Variants in MNAT1 observed in about 807,000 individuals in gnomAD.
MNAT1 encodes CDK-activating kinase assembly factor MAT1.
In MNAT1, 43 loss-of-function variants were observed where a neutral mutation model predicts 42.0. The observed-to-expected ratio is 1.02, with a 90% CI of 0.80 to 1.32. MNAT1 has a LOEUF of 1.32. Ranked by LOEUF, MNAT1 falls within the 40% of genes most tolerant of loss-of-function variation. MNAT1 has a pLI of 0.00. For missense variants in MNAT1, 306 were observed against 350.4 expected (o/e 0.87, Z 1.01); for synonymous variants, 118 against 120.0 (o/e 0.98, Z 0.11).
intron 6 of MNAT1, among the ~76,000 whole-genome samples, chr14:60,861,386 T>C (rs1440544373): frequency 6.6e-6 from 1 of 152,178 alleles, no homozygotes; most frequent in Non-Finnish European, 1.5e-5. Flanking sequence ...AAGGTTATGT[T>C]GTTCAAAATG....
intron 1 of MNAT1, among the ~76,000 whole-genome samples, chr14:60,764,193 A>G (rs919517117): frequency 6.6e-6 from 1 of 152,210 alleles, no homozygotes; most frequent in African/African-American, 2.4e-5. Flanking sequence ...CTGTTAAACT[A>G]CTTATATATG....
At chr14:60,847,734 A>G (rs1406549893) in intron 6 of MNAT1, among the ~76,000 whole-genome samples, 1 of 151,976 alleles carries the variant, frequency 6.6e-6, no homozygotes, top group Non-Finnish European at 1.5e-5. Context: ...AAGTGTTTTT[A>G]TATTGGTTGA....
intron 7 of MNAT1, among the ~76,000 whole-genome samples, chr14:60,910,232 G>GATC (rs1372010432): frequency 6.6e-6 from 1 of 152,074 alleles, no homozygotes; most frequent in Non-Finnish European, 1.5e-5. Flanking sequence ...GGGCCGAGAT[G>GATC]ATGGGGTTTT....
intron 6 of MNAT1, among the ~76,000 whole-genome samples, chr14:60,866,939 TTA>T (rs2034215409): frequency 6.6e-6 from 1 of 152,122 alleles, no homozygotes; most frequent in Non-Finnish European, 1.5e-5. Flanking sequence ...TGAAATATTA[TTA>T]AAGGACATTT....
chr14:60,793,178 GTGT>G (rs888312458), intron 1 of MNAT1, among the ~76,000 whole-genome samples: 5 of 151,132 alleles, frequency 3.3e-5, no homozygotes, highest in Admixed American at 2.0e-4. Context: ...TAATTTGTTG[GTGT>G]TGTTGTTGTT....
At chr14:60,786,759 T>A (rs901262286) in intron 1 of MNAT1, among the ~76,000 whole-genome samples, 4 of 152,210 alleles carry the variant, frequency 2.6e-5, no homozygotes, top group Non-Finnish European at 5.9e-5. Flanking sequence ...TGCTTCTGTG[T>A]TGAGTCTGTT....
chr14:60,907,805 A>AAAG (rs2035241865), intron 7 of MNAT1, among the ~76,000 whole-genome samples: 1 of 150,452 alleles, frequency 6.6e-6, no homozygotes, highest in Non-Finnish European at 1.5e-5. Context: ...AAAAAAAAAA[A>AAAG]GTTGCTAGAA....
rs1408023242 is a variant in MNAT1, at chr14:60,860,375, CAG to C, written c.688-19336_688-19335del. Among the ~76,000 whole-genome samples the C allele has an allele frequency of 3.8e-5, 4 of 105,552 alleles. 1 individual carries two copies. The highest frequency in any genetic ancestry group is 1.4e-4 in the African/African-American group (4 of 27,632). 69.2% of individuals were successfully genotyped at this position (105,552 alleles called of 152,430 possible). On this transcript the variant is annotated intron_variant, in intron 6 of 7. Transcript: ENST00000261245. Reference sequence around the variant, plus strand: ...TTTTCTTTTTTTTTTTTTTTTGAGACAGAGTCTTACTCTGTCGCCTAGGCTGG... The same window carrying C: ...TTTTCTTTTTTTTTTTTTTTTGAGACAGTCTTACTCTGTCGCCTAGGCTGG...
chr14:60,845,338 A>G (rs1193079684), intron 6 of MNAT1, among the ~76,000 whole-genome samples: 1 of 151,988 alleles, frequency 6.6e-6, no homozygotes, highest in Non-Finnish European at 1.5e-5. Flanking sequence ...GTATTTTTCA[A>G]AGAATTTGAG....
chr14:60,850,680 G>T (rs1192356154), intron 6 of MNAT1, among the ~76,000 whole-genome samples: 1 of 152,138 alleles, frequency 6.6e-6, no homozygotes, highest in East Asian at 1.9e-4. Flanking sequence ...CTCAATCTTT[G>T]AGCAGCCTTC....
intron 1 of MNAT1, among the ~76,000 whole-genome samples, chr14:60,741,680 TA>T (rs1896470268): frequency 7.1e-6 from 1 of 141,446 alleles, no homozygotes; most frequent in Non-Finnish European, 1.5e-5. Flanking sequence ...TTTTTTTTTT[TA>T]ATTTTTAGTA....
intron 7 of MNAT1, among the ~76,000 whole-genome samples, chr14:60,945,545 G>A (rs1219008734): frequency 6.6e-6 from 1 of 151,860 alleles, no homozygotes. Context: ...AGGCCACTGG[G>A]GGCACTTTCT....
At chr14:60,748,622 G>A (rs2029935268) in intron 1 of MNAT1, among the ~76,000 whole-genome samples, 1 of 152,188 alleles carries the variant, frequency 6.6e-6, no homozygotes, top group Non-Finnish European at 1.5e-5. Flanking sequence ...CCTACACAGG[G>A]TCAGGATCAT....
chr14:60,804,960 A>G (rs2032321711), intron 3 of MNAT1, among the ~76,000 whole-genome samples: 1 of 152,220 alleles, frequency 6.6e-6, no homozygotes, highest in Admixed American at 6.5e-5. Flanking sequence ...TTTTGAACAT[A>G]CTAGTAGAGC....
At chr14:60,863,421 T>A (rs915045564) in intron 6 of MNAT1, among the ~76,000 whole-genome samples, 1 of 152,132 alleles carries the variant, frequency 6.6e-6, no homozygotes, top group Non-Finnish European at 1.5e-5. Context: ...ATCTTTAGAA[T>A]GTGCTTCAGC....
At chr14:60,836,295 T>A (rs566430493) in intron 6 of MNAT1, among the ~76,000 whole-genome samples, 1 of 152,316 alleles carries the variant, frequency 6.6e-6, no homozygotes, top group East Asian at 1.9e-4. Context: ...GGAGTTGTGA[T>A]CCTTTGGAGG....
chr14:60,891,756 T>A (rs1376509364), intron 7 of MNAT1, among the ~76,000 whole-genome samples: 2 of 152,052 alleles, frequency 1.3e-5, no homozygotes, highest in Admixed American at 6.6e-5. Flanking sequence ...CTTGGTCAGA[T>A]TTTTCTTGTT....
chr14:60,812,754 T>C (rs2032591961), intron 5 of MNAT1, among the ~76,000 whole-genome samples: 2 of 152,132 alleles, frequency 1.3e-5, no homozygotes, highest in South Asian at 4.1e-4. Context: ...GACCCCAGAC[T>C]CAGTAAGTAG....
chr14:60,797,121 T>C (rs2032044553), intron 2 of MNAT1, among the ~76,000 whole-genome samples: 1 of 152,170 alleles, frequency 6.6e-6, no homozygotes, highest in African/African-American at 2.4e-5. Flanking sequence ...ATAATTGATA[T>C]GTTTATTTTT....
Sources: gnomAD v4.1 joint callset for allele counts (sites outside exome capture counted in the v4.1 genomes callset) on GRCh38, gnomAD v4.1.1 for gene constraint, MANE v1.5 for transcripts, NCBI Gene and HGNC (gene_info 2026-07-23, HGNC 2026-07-21) for gene names.